The following ZNF721 variants were observed in gnomAD, a reference collection of about 807,000 sequenced individuals.
ZNF721 encodes zinc finger protein 721.
ZNF721 carries 2 observed loss-of-function variants against 2.4 expected under a neutral mutation model. The ratio of observed to expected loss-of-function variants is 0.82; its 90% CI spans 0.34 to 2.58. The LOEUF is 2.58. ZNF721 is among the 30% of genes most tolerant of loss of function. The pLI is 0.11. For missense variants in ZNF721, 1,187 were observed against 1,085.5 expected (o/e 1.09, Z -1.31); for synonymous variants, 398 against 381.8 (o/e 1.04, Z -0.50).
At position 495,186 on chromosome 4, in the gene ZNF721, T is replaced by A. The variant is rs181119250; in HGVS notation, c.-94+3870A>T. 1.0e-3 allele frequency among the ~76,000 whole-genome samples: 157 copies of A among 151,624 alleles called. 5 individuals carry two copies. In the East Asian group the frequency reaches 0.023, roughly 22 times the overall value. On this transcript the variant is annotated intron_variant, in intron 1 of 2. Transcript: ENST00000511833. Reference sequence around the variant, plus strand: ...CATAAGCCACCGCGCCCAGCCTAAATTTTTTTTTAACAAAGACATTTTTGT... The same window carrying A: ...CATAAGCCACCGCGCCCAGCCTAAAATTTTTTTTAACAAAGACATTTTTGT...
intron 2 of ZNF721, among the ~76,000 whole-genome samples, chr4:467,406 G>A (rs1202909199): frequency 3.3e-5 from 5 of 152,234 alleles, no homozygotes; most frequent in Non-Finnish European, 5.9e-5. Flanking sequence ...GACAATGTAT[G>A]ATTCCACTTA....
At chr4:444,585 G>A (rs1374457639) in intron 2 of ZNF721, among the ~76,000 whole-genome samples, 153 bp from the exon 3 acceptor site, 1 of 152,178 alleles carries the variant, frequency 6.6e-6, no homozygotes, top group African/African-American at 2.4e-5. Context: ...ACAAACATAT[G>A]GTGATCAAAA....
chr4:483,093 A>G (rs1288628221), intron 1 of ZNF721, among the ~76,000 whole-genome samples: 5 of 152,220 alleles, frequency 3.3e-5, no homozygotes, highest in Non-Finnish European at 5.9e-5. Flanking sequence ...TGAAAATAAT[A>G]AAGTGGGGAT....
intron 1 of ZNF721, among the ~76,000 whole-genome samples, chr4:488,573 T>C (rs528735271): frequency 3.3e-5 from 5 of 152,298 alleles, no homozygotes; most frequent in African/African-American, 1.2e-4. Context: ...AGCTCACACC[T>C]GTGATCCCAG....
intron 1 of ZNF721, among the ~76,000 whole-genome samples, chr4:488,584 C>T (rs547282088): frequency 6.6e-6 from 1 of 152,172 alleles, no homozygotes; most frequent in Admixed American, 6.6e-5. Context: ...GTGATCCCAG[C>T]ACTTTGGGAG....
In ZNF721 at chr4:443,255, A is replaced by G. The variant is rs782223240; in HGVS notation, c.1212T>C (p.Leu404=). 1.2e-6 allele frequency: 2 copies of G among 1,613,846 alleles called. No homozygotes were observed. Among genetic ancestry groups the G allele is most frequent in the South Asian group, 2.2e-5 (2 of 91,048 alleles). ...TGGTGTGAATTCTCTTATGTGCAGT[A>G]AGGTTTGTTGAACTATTAAAGGCTT... is the stretch of plus-strand genomic sequence containing the variant. The part of the protein sequence containing the change: ...CGKAFNSSTN[L]TAHKRIHTRE... Residue 404 remains leucine (L), a synonymous_variant, in exon 3 of 3, where the codon CTT becomes CTC. Coordinates refer to ENST00000511833, the MANE Select transcript of ZNF721 (RefSeq NM_133474.4).
intron 2 of ZNF721, among the ~76,000 whole-genome samples, chr4:469,129 C>T (rs1478874814): frequency 1.3e-5 from 2 of 152,066 alleles, no homozygotes; most frequent in Non-Finnish European, 2.9e-5. Context: ...GAAACATGGT[C>T]TCACTCTGAG....
chr4:475,591 C>T (rs1206340690), intron 1 of ZNF721, among the ~76,000 whole-genome samples: 1 of 150,916 alleles, frequency 6.6e-6, no homozygotes, highest in Non-Finnish European at 1.5e-5. Flanking sequence ...TTGTCAACAA[C>T]CTTTTTTTAG....
intron 1 of ZNF721, among the ~76,000 whole-genome samples, chr4:491,023 T>G (rs1560245598): frequency 6.6e-6 from 1 of 151,856 alleles, no homozygotes; most frequent in Admixed American, 6.6e-5. Context: ...TCCTCCTCAG[T>G]ATAGCACTGT....
At chr4:445,554 TA>T (rs546300951) in intron 2 of ZNF721, among the ~76,000 whole-genome samples, 1 of 151,838 alleles carries the variant, frequency 6.6e-6, no homozygotes, top group African/African-American at 2.4e-5. Flanking sequence ...CAGAAAACCA[TA>T]AAAAAAGATG....
chr4:474,086 T>C, intron 1 of ZNF721: 1 of 1,364,868 alleles, frequency 7.3e-7, no homozygotes, highest in Non-Finnish European at 9.9e-7. Context: ...CACCGAGGCC[T>C]CCCTGAGGTG....
At chr4:446,382 T>C (rs1176324801) in intron 2 of ZNF721, among the ~76,000 whole-genome samples, 2 of 89,424 alleles carry the variant, frequency 2.2e-5, no homozygotes, top group African/African-American at 6.0e-5. Flanking sequence ...GGAAGTTTTC[T>C]TTTTTTTTTT....
chr4:469,700 G>C (rs1231360596), intron 2 of ZNF721, among the ~76,000 whole-genome samples: 1 of 152,166 alleles, frequency 6.6e-6, no homozygotes, highest in Non-Finnish European at 1.5e-5. Context: ...GTAAGCAAAA[G>C]AGTATGGCAT....
At chr4:489,696 G>T (rs1553871201) in intron 1 of ZNF721, among the ~76,000 whole-genome samples, 1 of 152,200 alleles carries the variant, frequency 6.6e-6, no homozygotes, top group Middle Eastern at 3.2e-3. Context: ...CAATGTGGCA[G>T]CCACCTGACA....
chr4:480,163 G>A (rs6599351), intron 1 of ZNF721, among the ~76,000 whole-genome samples: 19,186 of 152,044 alleles, frequency 0.13, 1,623 homozygotes, highest in African/African-American at 0.25. Flanking sequence ...GCATGTATTT[G>A]TCTTCCTCTA....
intron 2 of ZNF721, among the ~76,000 whole-genome samples, chr4:444,712 C>A (rs770428730): frequency 1.3e-5 from 2 of 152,216 alleles, no homozygotes; most frequent in African/African-American, 2.4e-5. Context: ...ACCAACAGCT[C>A]TTCCTCCCCA....
At chr4:496,174 T>C (rs1251478309) in intron 1 of ZNF721, among the ~76,000 whole-genome samples, 1 of 152,118 alleles carries the variant, frequency 6.6e-6, no homozygotes, top group African/African-American at 2.4e-5. Context: ...CGGTTGGGTA[T>C]TTAGCCGCTT....
intron 1 of ZNF721, among the ~76,000 whole-genome samples, chr4:489,321 C>T (rs1715968956): frequency 6.6e-6 from 1 of 152,162 alleles, no homozygotes; most frequent in Non-Finnish European, 1.5e-5. Context: ...CAGAACTCAG[C>T]CCCACTTCTG....
At chr4:476,580 TACCCAC>T (rs1553868717) in intron 1 of ZNF721, among the ~76,000 whole-genome samples, 1 of 152,178 alleles carries the variant, frequency 6.6e-6, no homozygotes, top group African/African-American at 2.4e-5. Context: ...AACACTTATT[TACCCAC>T]ACCAGATCGA....
Sources: gnomAD v4.1 joint callset for allele counts (sites outside exome capture counted in the v4.1 genomes callset) on GRCh38, gnomAD v4.1.1 for gene constraint, MANE v1.5 for transcripts, NCBI Gene and HGNC (gene_info 2026-07-23, HGNC 2026-07-21) for gene names.